Variants in ARL13B observed in about 807,000 individuals in gnomAD.
The protein encoded by ARL13B is ARF like GTPase 13B.
Under a neutral mutation model 56.1 loss-of-function variants are expected in ARL13B, and 36 were observed. The ratio of observed to expected loss-of-function variants is 0.64; its 90% CI spans 0.49 to 0.85. ARL13B has a LOEUF of 0.85. Among genes scored for constraint, ARL13B ranks in the 40% least tolerant of loss-of-function variants. The probability of loss-of-function intolerance (pLI) is 0.00; values close to 1 mark genes in which losing one functional copy is unlikely to be tolerated. For missense variants in ARL13B, 519 were observed against 507.1 expected (o/e 1.02, Z -0.23); for synonymous variants, 178 against 171.1 (o/e 1.04, Z -0.32).
chr3:94,033,234 A>C (rs1378946138), intron 3 of ARL13B, among the ~76,000 whole-genome samples: 1 of 152,122 alleles, frequency 6.6e-6, no homozygotes. Context: ...GTGGAAGGGG[A>C]GTTAGAGATG....
At chr3:94,027,841 G>C (rs898600952) in intron 3 of ARL13B, among the ~76,000 whole-genome samples, 2 of 151,998 alleles carry the variant, frequency 1.3e-5, no homozygotes, top group Non-Finnish European at 2.9e-5. Context: ...TTTTCTGGTA[G>C]CCCTTTCACA....
intron 1 of ARL13B, among the ~76,000 whole-genome samples, chr3:93,995,126 C>G (rs2097309237): frequency 6.6e-6 from 1 of 152,100 alleles, no homozygotes; most frequent in African/African-American, 2.4e-5. Flanking sequence ...TAGTGGTAAA[C>G]AGAATCACCA....
Position 93,993,816 on chromosome 3 carries a change from A to C in ARL13B, c.60-2058A>C, listed in dbSNP as rs147151502. 3.3e-5 allele frequency among the ~76,000 whole-genome samples: 5 copies of C among 152,334 alleles called. No individual in the cohort carries two copies. In the East Asian group the frequency reaches 9.6e-4, roughly 29 times the overall value. On this transcript the variant is annotated intron_variant, in intron 1 of 9. Coordinates refer to ENST00000394222, the MANE Select transcript of ARL13B (RefSeq NM_001174150.2). ...TTTTCATAGTTGATAAAGCAGGTAC[A>C]TTTCCAGATGGATAGAGGTTCCTAG...
chr3:94,005,128 A>G (rs578127875), intron 3 of ARL13B, among the ~76,000 whole-genome samples: 4 of 152,332 alleles, frequency 2.6e-5, no homozygotes, highest in East Asian at 1.9e-4. Context: ...ACTGTTGCCA[A>G]GCATAGAATC....
At chr3:94,033,424 T>C (rs796775920) in intron 3 of ARL13B, among the ~76,000 whole-genome samples, 4 of 152,274 alleles carry the variant, frequency 2.6e-5, no homozygotes, top group African/African-American at 9.6e-5. Context: ...CGGAGGTTGC[T>C]ACGCCATTAA....
chr3:94,047,301 T>C (rs2107182477), intron 7 of ARL13B, among the ~76,000 whole-genome samples: 1 of 152,292 alleles, frequency 6.6e-6, no homozygotes, highest in Middle Eastern at 3.4e-3. Flanking sequence ...GTTATACTTT[T>C]TGTCAGTTGG....
intron 1 of ARL13B, chr3:93,988,784 G>A: frequency 3.0e-6 from 1 of 335,866 alleles, no homozygotes; most frequent in Non-Finnish European, 5.8e-6. Flanking sequence ...CCATTTGTTT[G>A]CATTTTTTTT....
chr3:94,045,130 T>C (rs1169882116), intron 7 of ARL13B, among the ~76,000 whole-genome samples: 1 of 152,218 alleles, frequency 6.6e-6, no homozygotes, highest in Non-Finnish European at 1.5e-5. Flanking sequence ...GGGATGCTGT[T>C]AATCTATAAC....
At chr3:93,982,525 AC>A (rs1163646555) in intron 1 of ARL13B, among the ~76,000 whole-genome samples, 1 of 152,202 alleles carries the variant, frequency 6.6e-6, no homozygotes, top group Non-Finnish European at 1.5e-5. Context: ...TGAAATGATA[AC>A]TTTTGCATAT....
intron 9 of ARL13B, among the ~76,000 whole-genome samples, chr3:94,052,898 G>A (rs1346752200): frequency 6.6e-6 from 1 of 151,980 alleles, no homozygotes; most frequent in Non-Finnish European, 1.5e-5. Context: ...ACATAAGGAA[G>A]GAATATTTTA....
At chr3:94,031,770 C>T (rs986107455) in intron 3 of ARL13B, among the ~76,000 whole-genome samples, 1 of 151,994 alleles carries the variant, frequency 6.6e-6, no homozygotes, top group African/African-American at 2.4e-5. Context: ...GTTATTGTAA[C>T]CAAAGTAGCA....
At position 93,980,183 on chromosome 3, in the gene ARL13B, C is replaced by G. The variant is rs762539982; in HGVS notation, c.-241C>G. ...TTTCTTTAGCCGGGTCCCGCTAACT[C>G]GGCTACGGTGTATCTGCGTCTTTGG... On this transcript the variant is annotated 5_prime_UTR_variant, in exon 1 of 10. Transcript: ENST00000394222. 1.3e-5 allele frequency: 9 copies of G among 676,642 alleles called. No homozygotes were observed. Among genetic ancestry groups the G allele is most frequent in the Admixed American group, 4.2e-5 (2 of 47,900 alleles). The allele number at this position is 676,642 out of a possible 1,614,324, so 41.9% of individuals were successfully genotyped here. A position where few individuals can be genotyped will look rare whatever the true frequency, so the allele number is the denominator to read the frequency against.
chr3:94,027,896 A>C (rs1047226941), intron 3 of ARL13B, among the ~76,000 whole-genome samples: 1 of 152,128 alleles, frequency 6.6e-6, no homozygotes, highest in Non-Finnish European at 1.5e-5. Flanking sequence ...TCTAGTAAAC[A>C]ACAATGAAGC....
At chr3:94,035,289 A>G in intron 3 of ARL13B, 42 bp from the exon 4 acceptor site, 4 of 1,291,350 alleles carry the variant, frequency 3.1e-6, no homozygotes, top group Non-Finnish European at 4.4e-6. Flanking sequence ...TTTCCATCCA[A>G]TTATATATAT....
At chr3:94,048,706 C>T (rs921306745) in intron 7 of ARL13B, among the ~76,000 whole-genome samples, 1 of 151,970 alleles carries the variant, frequency 6.6e-6, no homozygotes, top group African/African-American at 2.4e-5. Flanking sequence ...ATCCTTCTGC[C>T]TCAGCCTCCT....
intron 1 of ARL13B, 49 bp downstream of exon 1, chr3:93,980,531 G>A (rs1415024942): frequency 3.1e-6 from 5 of 1,601,568 alleles, no homozygotes; most frequent in Non-Finnish European, 3.4e-6. Flanking sequence ...GGAGATGGCT[G>A]CGCCCCAGGG....
chr3:94,014,868 T>G (rs200566363), intron 3 of ARL13B: 28 of 1,613,962 alleles, frequency 1.7e-5, no homozygotes, highest in Non-Finnish European at 2.2e-5. Context: ...CATGCTGAGA[T>G]TTAAGTATCC....
At chr3:94,016,668 A>C (rs1436043782) in intron 3 of ARL13B, among the ~76,000 whole-genome samples, 1 of 141,166 alleles carries the variant, frequency 7.1e-6, no homozygotes, top group African/African-American at 2.6e-5. Context: ...TTTTTTGGAG[A>C]TGGAGTCTTG....
chr3:94,031,293 T>C (rs80326178), intron 3 of ARL13B, among the ~76,000 whole-genome samples: 2 of 152,150 alleles, frequency 1.3e-5, no homozygotes, highest in Non-Finnish European at 2.9e-5. Context: ...TTTTTTTTTT[T>C]CTAGAATAAA....
Sources: allele counts gnomAD v4.1 joint callset (sites outside exome capture counted in the v4.1 genomes callset), GRCh38; gene constraint gnomAD v4.1.1; transcripts MANE v1.5; gene names NCBI Gene and HGNC (gene_info 2026-07-23, HGNC 2026-07-21).